The following HDAC2 variants were observed in gnomAD, a reference collection of about 807,000 sequenced individuals.
HDAC2 encodes the protein histone deacetylase 2.
In HDAC2, 5 loss-of-function variants were observed where a neutral mutation model predicts 68.5. The ratio of observed to expected loss-of-function variants is 0.07; its 90% CI spans 0.04 to 0.15. HDAC2 has a LOEUF of 0.15. Among genes scored for constraint, HDAC2 ranks in the 10% least tolerant of loss-of-function variants. The pLI, the probability that HDAC2 is intolerant of heterozygous loss-of-function variation, is 1.00. For missense variants in HDAC2, 291 were observed against 600.8 expected, an observed-to-expected ratio of 0.48 and a Z score of 5.39; for synonymous variants, 182 against 191.3, an observed-to-expected ratio of 0.95 and a Z score of 0.40.
intron 10 of HDAC2, among the ~76,000 whole-genome samples, chr6:113,944,632 A>C (rs550356273): frequency 6.6e-6 from 1 of 152,192 alleles, no homozygotes; most frequent in South Asian, 2.1e-4. Context: ...GCGCGTTAGG[A>C]CTACAAGTGT....
intron 1 of HDAC2, among the ~76,000 whole-genome samples, chr6:113,965,140 T>G (rs1282659075): frequency 1.3e-5 from 2 of 152,252 alleles, no homozygotes; most frequent in Non-Finnish European, 2.9e-5. Flanking sequence ...GTCAAATTTC[T>G]TACTACACAG....
intron 8 of HDAC2, chr6:113,947,259 G>T (rs975200218): frequency 1.3e-5 from 2 of 152,074 alleles, no homozygotes; most frequent in Non-Finnish European, 2.9e-5. Flanking sequence ...TGACAAAAAT[G>T]ACTCGAAAGG....
chr6:113,966,177 C>T (rs1196393131), intron 1 of HDAC2, among the ~76,000 whole-genome samples: 1 of 152,152 alleles, frequency 6.6e-6, no homozygotes, highest in Non-Finnish European at 1.5e-5. Context: ...TGCCAAAATG[C>T]CACCCATCCT....
chr6:113,953,577 G>A (rs1056490609), intron 5 of HDAC2, among the ~76,000 whole-genome samples, 159 bp from the exon 6 acceptor site: 7 of 152,148 alleles, frequency 4.6e-5, no homozygotes, highest in African/African-American at 1.7e-4. Context: ...TCTGAGGTTT[G>A]AGCCTCAGGC....
intron 1 of HDAC2, among the ~76,000 whole-genome samples, chr6:113,960,858 T>A (rs1749012401): frequency 6.6e-6 from 1 of 152,066 alleles, no homozygotes; most frequent in Admixed American, 6.6e-5. Context: ...AAAATATTTT[T>A]AAAAAATAGA....
At chr6:113,956,921 G>C in intron 3 of HDAC2, 1 of 428,142 alleles carries the variant, frequency 2.3e-6, no homozygotes, top group Non-Finnish European at 4.2e-6. Flanking sequence ...ATTATCTGTG[G>C]AATATTTCTG....
At position 113,956,028 on chromosome 6, in the gene HDAC2, A is replaced by G; in HGVS notation, c.482T>C (p.Ile161Thr). The G allele has an allele frequency of 6.2e-7, 1 of 1,602,730 alleles. No individual in the cohort carries two copies. The highest frequency in any genetic ancestry group is 8.5e-7 in the Non-Finnish European group (1 of 1,175,814). ...ATTAACATACTTTAGTAATTCAAGG[A>G]TGGCAAGCACAATATCATTAACGTA... ...FCYVNDIVLA[I>T]LELLKYHQRV... Residue 161 changes from isoleucine (I) to threonine (T), a missense_variant, in exon 5 of 14, where the codon ATC becomes ACC. Physicochemically the swap from Ile to Thr is moderately conservative, Grantham distance 89. Transcript: ENST00000519065.
Position 113,968,953 on chromosome 6 carries a change from A to G in HDAC2, c.52+1904T>C, listed in dbSNP as rs55691268. On this transcript the variant is annotated intron_variant, in intron 1 of 13. Transcript: ENST00000519065. Reference sequence around the variant, plus strand: ...AGCCCATCACTACCAACACCAACTGACAGCTTCGAGAAGGACCTCAGTACC... The same window carrying G: ...AGCCCATCACTACCAACACCAACTGGCAGCTTCGAGAAGGACCTCAGTACC... Among the ~76,000 whole-genome samples, 776 of 152,282 alleles carry G rather than the reference A, an allele frequency of 5.1e-3. 6 individuals are homozygous for G. The highest frequency in any genetic ancestry group is 0.018 in the African/African-American group (740 of 41,554).
At chr6:113,943,963 A>C (rs1326578367) in intron 11 of HDAC2, among the ~76,000 whole-genome samples, 1 of 152,234 alleles carries the variant, frequency 6.6e-6, no homozygotes, top group Non-Finnish European at 1.5e-5. Flanking sequence ...AGAAGTTGTA[A>C]AATCAAACAG....
chr6:113,965,784 A>C (rs971795281), intron 1 of HDAC2, among the ~76,000 whole-genome samples: 8 of 152,226 alleles, frequency 5.3e-5, no homozygotes, highest in African/African-American at 1.9e-4. Flanking sequence ...TCTGAACCCA[A>C]AGCTGGCTTA....
intron 6 of HDAC2, among the ~76,000 whole-genome samples, chr6:113,951,641 G>A (rs1776419552): frequency 6.6e-6 from 1 of 151,932 alleles, no homozygotes; most frequent in Non-Finnish European, 1.5e-5. Flanking sequence ...CTAATTTTTT[G>A]TATTTTTAGT....
At position 113,933,845 on chromosome 6, in the gene HDAC2, TTC is replaced by T. The variant is rs914237037; in HGVS notation, c.*7211_*7212del. 4.0e-5 allele frequency: 6 copies of T among 151,892 alleles called. No homozygotes were observed. Among genetic ancestry groups the T allele is most frequent in the African/African-American group, 1.5e-4 (6 of 41,346 alleles). 9.4% of individuals were successfully genotyped at this position (151,892 alleles called of 1,614,324 possible). ...TGTGTATACATATATATAGAAGGAA[TTC>T]TCTTTCTTTTATCCCTTATTCCAAT... On this transcript the variant is annotated 3_prime_UTR_variant, in exon 14 of 14. Coordinates refer to ENST00000519065, the MANE Select transcript of HDAC2 (RefSeq NM_001527.4).
At chr6:113,967,832 A>G (rs927713521) in intron 1 of HDAC2, among the ~76,000 whole-genome samples, 2 of 152,316 alleles carry the variant, frequency 1.3e-5, no homozygotes, top group Admixed American at 1.3e-4. Context: ...ATTCTTGATG[A>G]TCTTCTAGTG....
chr6:113,968,593 C>T (rs1776885059), intron 1 of HDAC2: 1 of 152,214 alleles, frequency 6.6e-6, no homozygotes, highest in South Asian at 2.1e-4. Context: ...AGGAACTCCA[C>T]TTTAACAAAC....
Position 113,934,453 on chromosome 6 carries a change from A to AT in HDAC2, c.*6604dup, listed in dbSNP as rs1423419495. 8 of 152,244 alleles carry AT rather than the reference A, an allele frequency of 5.3e-5. No individual in the cohort carries two copies. The highest frequency in any genetic ancestry group is 1.9e-4 in the African/African-American group (8 of 41,466). 9.4% of individuals were successfully genotyped at this position (152,244 alleles called of 1,614,324 possible). A position where few individuals can be genotyped will look rare whatever the true frequency, so the allele number is the denominator to read the frequency against. Reference sequence around the variant, plus strand: ...GACCCATATATGTGATTTCCAGTGCATTGTTCTTTACTTGTTGCTGCTCTA... The same window carrying AT: ...GACCCATATATGTGATTTCCAGTGCATTTGTTCTTTACTTGTTGCTGCTCTA... On this transcript the variant is annotated 3_prime_UTR_variant, in exon 14 of 14. Coordinates refer to ENST00000519065, the MANE Select transcript of HDAC2 (RefSeq NM_001527.4).
At chr6:113,942,658 A>G (rs940429314) in intron 12 of HDAC2, among the ~76,000 whole-genome samples, 1 of 152,160 alleles carries the variant, frequency 6.6e-6, no homozygotes, top group African/African-American at 2.4e-5. Context: ...AGCTCAGTCT[A>G]GTAGGGAGAC....
chr6:113,945,197 T>TAA (rs34041761), intron 10 of HDAC2, among the ~76,000 whole-genome samples, 165 bp downstream of exon 10: 5 of 134,856 alleles, frequency 3.7e-5, no homozygotes, highest in Non-Finnish European at 4.8e-5. Flanking sequence ...AATTAAAAAT[T>TAA]AAAAAAAAAA....
At chr6:113,968,124 T>C (rs551793527) in intron 1 of HDAC2, among the ~76,000 whole-genome samples, 55 of 152,322 alleles carry the variant, frequency 3.6e-4, no homozygotes, top group Non-Finnish European at 8.8e-5. Context: ...GCCAAGAGGC[T>C]CCGTGTGCCT....
At chr6:113,966,630 T>A (rs1300511617) in intron 1 of HDAC2, among the ~76,000 whole-genome samples, 4 of 148,514 alleles carry the variant, frequency 2.7e-5, no homozygotes. Flanking sequence ...CGTTTTTAAA[T>A]GTAGTTGGCG....
Sources: allele counts gnomAD v4.1 joint callset (sites outside exome capture counted in the v4.1 genomes callset), GRCh38; gene constraint gnomAD v4.1.1; transcripts MANE v1.5; gene names NCBI Gene and HGNC (gene_info 2026-07-23, HGNC 2026-07-21).